Variants in LIN28B observed in about 807,000 individuals in gnomAD.
LIN28B encodes lin-28 RNA binding posttranscriptional regulator B, also known as protein lin-28 homolog B.
LIN28B carries 5 observed loss-of-function variants against 21.9 expected under a neutral mutation model. The ratio of observed to expected loss-of-function variants is 0.23; its 90% CI spans 0.12 to 0.48. The LOEUF is 0.48. LIN28B is among the 20% of genes least tolerant of loss of function. LIN28B has a pLI of 0.98. For missense variants in LIN28B, 245 were observed against 310.5 expected, an observed-to-expected ratio of 0.79 and a Z score of 1.58; for synonymous variants, 109 against 111.3, an observed-to-expected ratio of 0.98 and a Z score of 0.13.
intron 3 of LIN28B, among the ~76,000 whole-genome samples, chr6:105,049,177 G>A (rs1271044250): frequency 6.6e-6 from 1 of 152,126 alleles, no homozygotes; most frequent in African/African-American, 2.4e-5. Context: ...CTTTAAATAT[G>A]TCCCAGAGAT....
chr6:105,060,383 C>T (rs1772103222), intron 3 of LIN28B, among the ~76,000 whole-genome samples: 1 of 152,156 alleles, frequency 6.6e-6, no homozygotes, highest in Non-Finnish European at 1.5e-5. Flanking sequence ...CCCACCTCTG[C>T]CTCCCAAAGT....
At chr6:105,051,896 T>C (rs764294175) in intron 3 of LIN28B, among the ~76,000 whole-genome samples, 2 of 152,194 alleles carry the variant, frequency 1.3e-5, no homozygotes, top group Non-Finnish European at 2.9e-5. Flanking sequence ...AACAGACTTA[T>C]TAATAAATGT....
chr6:105,014,787 G>T (rs916867471), intron 2 of LIN28B, among the ~76,000 whole-genome samples: 1 of 151,716 alleles, frequency 6.6e-6, no homozygotes, highest in Non-Finnish European at 1.5e-5. Context: ...AATAAATAAA[G>T]TACTTAAATC....
chr6:104,980,992 A>T (rs971872408), intron 2 of LIN28B, among the ~76,000 whole-genome samples: 1 of 152,136 alleles, frequency 6.6e-6, no homozygotes, highest in African/African-American at 2.4e-5. Context: ...TCTTAAGATA[A>T]TGCCAAGCAG....
chr6:105,023,065 T>G (rs1306099931), intron 2 of LIN28B, among the ~76,000 whole-genome samples: 1 of 148,922 alleles, frequency 6.7e-6, no homozygotes, highest in Non-Finnish European at 1.5e-5. Context: ...AGTTGATTTT[T>G]GGGGGAACAA....
At chr6:104,941,135 GA>G (rs1279373311) in intron 2 of LIN28B, 1 of 152,254 alleles carries the variant, frequency 6.6e-6, no homozygotes, top group African/African-American at 2.4e-5. Flanking sequence ...CCGTGCTGAG[GA>G]GCAGGAAGAA....
At chr6:105,056,204 G>C (rs145587396) in intron 3 of LIN28B, among the ~76,000 whole-genome samples, 65 of 151,550 alleles carry the variant, frequency 4.3e-4, no homozygotes, top group African/African-American at 1.5e-3. Flanking sequence ...TTAAGATCTT[G>C]ACTACTTTTT....
intron 3 of LIN28B, among the ~76,000 whole-genome samples, chr6:105,048,979 ATTGAT>A (rs1204677481): frequency 6.6e-6 from 1 of 152,048 alleles, no homozygotes; most frequent in African/African-American, 2.4e-5. Flanking sequence ...TCCTGGATTC[ATTGAT>A]GTTTTGAAGG....
At chr6:105,048,431 T>C (rs1380107726) in intron 3 of LIN28B, among the ~76,000 whole-genome samples, 1 of 152,254 alleles carries the variant, frequency 6.6e-6, no homozygotes, top group African/African-American at 2.4e-5. Flanking sequence ...CAGTATTTTA[T>C]TGAGGATTTT....
chr6:105,046,429 G>A (rs1039747806), intron 3 of LIN28B, among the ~76,000 whole-genome samples: 2 of 152,120 alleles, frequency 1.3e-5, no homozygotes, highest in African/African-American at 4.8e-5. Flanking sequence ...ATGGACATTC[G>A]GGTTGGTTCC....
intron 3 of LIN28B, among the ~76,000 whole-genome samples, chr6:105,029,078 T>C (rs1349470125): frequency 6.6e-6 from 1 of 152,112 alleles, no homozygotes; most frequent in African/African-American, 2.4e-5. Context: ...CGGAAGTCAT[T>C]ATTGAGGTCT....
chr6:104,961,557 C>A (rs918304652), intron 2 of LIN28B, among the ~76,000 whole-genome samples: 1 of 151,926 alleles, frequency 6.6e-6, no homozygotes, highest in Non-Finnish European at 1.5e-5. Flanking sequence ...CCCGCCACCA[C>A]GCCTAGCTAA....
rs117158561 is a variant in LIN28B, at chr6:105,004,344, G to A, written c.199-21954G>A. ...CAGTATTAACTATCACAGCTAAGAA[G>A]GAAAAAGGAAAAGCAATTTTATGCG... is the stretch of plus-strand genomic sequence containing the variant. On this transcript the variant is annotated intron_variant, in intron 2 of 3. Coordinates refer to ENST00000345080, the MANE Select transcript of LIN28B (RefSeq NM_001004317.4). Among the ~76,000 whole-genome samples the A allele has an allele frequency of 5.3e-5, 8 of 152,180 alleles. No individual in the cohort carries two copies. In the East Asian group the frequency reaches 1.5e-3, roughly 29 times the overall value.
At chr6:105,018,948 T>C (rs1253007640) in intron 2 of LIN28B, among the ~76,000 whole-genome samples, 3 of 151,990 alleles carry the variant, frequency 2.0e-5, no homozygotes, top group African/African-American at 7.3e-5. Context: ...TTTTCTTTTC[T>C]TTTCTTTTTT....
In LIN28B at chr6:105,022,516, G is replaced by A. The variant is rs143956270; in HGVS notation, c.199-3782G>A. On this transcript the variant is annotated intron_variant, in intron 2 of 3. Coordinates refer to ENST00000345080, the MANE Select transcript of LIN28B (RefSeq NM_001004317.4). ...AGACTGAGTAGGGAAACCCAGCAAG[G>A]TCTGTCTGTCTAGATTTTTCTTGGC... Among the ~76,000 whole-genome samples the A allele has an allele frequency of 2.5e-3, 377 of 152,186 alleles. 2 individuals carry two copies. The highest frequency in any genetic ancestry group is 8.8e-3 in the African/African-American group (366 of 41,534).
intron 2 of LIN28B, among the ~76,000 whole-genome samples, chr6:104,965,976 G>A (rs1239872386): frequency 1.3e-5 from 2 of 152,130 alleles, no homozygotes; most frequent in Non-Finnish European, 2.9e-5. Flanking sequence ...CAGTTTATTA[G>A]ATACCTGTAA....
chr6:104,957,852 G>A (rs1000276608), intron 1 of LIN28B, among the ~76,000 whole-genome samples: 1 of 151,978 alleles, frequency 6.6e-6, no homozygotes, highest in African/African-American at 2.4e-5. Flanking sequence ...ATAAGTACAC[G>A]TATGTATAGA....
chr6:105,057,957 T>C (rs1038386162), intron 3 of LIN28B: 4 of 253,274 alleles, frequency 1.6e-5, no homozygotes, highest in Non-Finnish European at 3.1e-5. Context: ...TCTGAACGTT[T>C]TGGATCTAAT....
rs1157010425 is a variant in LIN28B, at chr6:105,083,309, T to C, written c.*4526T>C. 16 of 152,244 alleles carry C rather than the reference T, an allele frequency of 1.1e-4. No individual in the cohort carries two copies. Among genetic ancestry groups the C allele is most frequent in the Admixed American group, 1.0e-3 (16 of 15,286 alleles). 9.4% of individuals were successfully genotyped at this position (152,244 alleles called of 1,614,324 possible). ...TTTAAAAAAATTACTTGATTAAAAATAAAACATATAACGTTGGCATTTATG... is the reference window on the plus strand; with the variant it reads ...TTTAAAAAAATTACTTGATTAAAAACAAAACATATAACGTTGGCATTTATG... On this transcript the variant is annotated 3_prime_UTR_variant, in exon 4 of 4. Coordinates refer to ENST00000345080, the MANE Select transcript of LIN28B (RefSeq NM_001004317.4).
Sources: allele counts gnomAD v4.1 joint callset (sites outside exome capture counted in the v4.1 genomes callset), GRCh38; gene constraint gnomAD v4.1.1; transcripts MANE v1.5; gene names NCBI Gene and HGNC (gene_info 2026-07-23, HGNC 2026-07-21).